CRIM1: variants seen among roughly 807,000 people sequenced by gnomAD.
CRIM1 encodes the protein cysteine-rich motor neuron 1 protein.
CRIM1 carries 32 observed loss-of-function variants against 116.4 expected under a neutral mutation model. The observed-to-expected ratio is 0.27, with a 90% confidence interval of 0.21 to 0.37. The LOEUF (loss-of-function observed/expected upper bound fraction) is 0.37. CRIM1 is among the 10% of genes least tolerant of loss of function. The probability of loss-of-function intolerance (pLI) is 1.00; values close to 1 mark genes in which losing one functional copy is unlikely to be tolerated. For synonymous variants in CRIM1, 590 were observed against 509.2 expected (o/e 1.16, Z -2.13); for missense variants, 1,331 against 1,354.8 (o/e 0.98, Z 0.28).
intron 1 of CRIM1, among the ~76,000 whole-genome samples, chr2:36,389,897 A>T (rs1055829859): frequency 6.6e-6 from 1 of 152,304 alleles, no homozygotes; most frequent in Non-Finnish European, 1.5e-5. Flanking sequence ...GCTCCTTAGC[A>T]CAGGGGGCTA....
intron 1 of CRIM1, among the ~76,000 whole-genome samples, chr2:36,394,452 T>A (rs185141950): frequency 6.8e-6 from 1 of 147,874 alleles, no homozygotes; most frequent in Non-Finnish European, 1.5e-5. Flanking sequence ...AATATCACCT[T>A]CTTTTCTATG....
intron 13 of CRIM1, among the ~76,000 whole-genome samples, chr2:36,531,110 A>G (rs1310234918): frequency 6.6e-6 from 1 of 152,204 alleles, no homozygotes; most frequent in African/African-American, 2.4e-5. Context: ...GGCCACCAGG[A>G]TCCCAGAGTA....
At chr2:36,410,064 A>G (rs1673093803) in intron 2 of CRIM1, among the ~76,000 whole-genome samples, 2 of 152,214 alleles carry the variant, frequency 1.3e-5, no homozygotes. Flanking sequence ...TCTCTTGCTA[A>G]GTGTTTTCTG....
At position 36,488,679 on chromosome 2, in the gene CRIM1, T is replaced by C. The variant is rs532308825; in HGVS notation, c.1372+8985T>C. On this transcript the variant is annotated intron_variant, in intron 7 of 16. Transcript: ENST00000280527. ...TTTACACCTCAGTGGAGTTTAACTT[T>C]CGCATCTGAGAGATTAGCTGGATTT... Among the ~76,000 whole-genome samples, 12 of 152,342 alleles carry C rather than the reference T, an allele frequency of 7.9e-5. No individual in the cohort carries two copies. The South Asian group carries it at 2.5e-3, about 32-fold the overall frequency.
chr2:36,548,171 C>T (rs942825336), intron 16 of CRIM1, among the ~76,000 whole-genome samples: 2 of 152,122 alleles, frequency 1.3e-5, no homozygotes, highest in East Asian at 1.9e-4. Context: ...TAGAAGTCAT[C>T]CCTTTGTTTT....
At chr2:36,402,797 G>C (rs376117973) in intron 2 of CRIM1, among the ~76,000 whole-genome samples, 23 of 151,532 alleles carry the variant, frequency 1.5e-4, no homozygotes, top group African/African-American at 5.6e-4. Context: ...AGAAATCAAA[G>C]AGTACTCTTC....
chr2:36,453,666 T>A (rs1347401671), intron 4 of CRIM1, among the ~76,000 whole-genome samples: 2 of 152,218 alleles, frequency 1.3e-5, no homozygotes, highest in East Asian at 3.8e-4. Context: ...TAAAATATAG[T>A]CGCTGATGTC....
At chr2:36,383,536 G>C (rs1670945143) in intron 1 of CRIM1, among the ~76,000 whole-genome samples, 1 of 152,124 alleles carries the variant, frequency 6.6e-6, no homozygotes, top group Non-Finnish European at 1.5e-5. Flanking sequence ...TTATGTCGTA[G>C]AGCAGTCACT....
chr2:36,506,393 A>G (rs1486414631), intron 8 of CRIM1, among the ~76,000 whole-genome samples: 1 of 151,920 alleles, frequency 6.6e-6, no homozygotes, highest in East Asian at 1.9e-4. Context: ...AATGATGTTG[A>G]ACAAAACCAT....
At chr2:36,489,865 AT>A (rs1680099180) in intron 7 of CRIM1, among the ~76,000 whole-genome samples, 2 of 152,176 alleles carry the variant, frequency 1.3e-5, no homozygotes. Context: ...GGATTAGCTG[AT>A]TACTAAGAGA....
At chr2:36,457,570 CA>C (rs1242619413) in intron 4 of CRIM1, among the ~76,000 whole-genome samples, 2 of 151,882 alleles carry the variant, frequency 1.3e-5, no homozygotes, top group Non-Finnish European at 2.9e-5. Context: ...AAGCTTGAGA[CA>C]GGGGAGAAAG....
intron 1 of CRIM1, among the ~76,000 whole-genome samples, chr2:36,382,058 AT>A (rs2148338002): frequency 6.6e-6 from 1 of 152,250 alleles, no homozygotes; most frequent in African/African-American, 2.4e-5. Flanking sequence ...GGGTGATGAT[AT>A]GCCCAGCAGC....
At chr2:36,490,283 C>A (rs1241108039) in intron 7 of CRIM1, among the ~76,000 whole-genome samples, 2 of 152,172 alleles carry the variant, frequency 1.3e-5, no homozygotes, top group Admixed American at 1.3e-4. Flanking sequence ...ATAGTCTTTT[C>A]TTGACAAGCT....
chr2:36,492,757 T>G (rs75725658), intron 7 of CRIM1, among the ~76,000 whole-genome samples: 1 of 152,204 alleles, frequency 6.6e-6, no homozygotes, highest in African/African-American at 2.4e-5. Flanking sequence ...ATTTAGCCAT[T>G]GAACTGCCAT....
chr2:36,358,716 A>AT (rs1451375231), intron 1 of CRIM1, among the ~76,000 whole-genome samples: 1 of 151,864 alleles, frequency 6.6e-6, no homozygotes, highest in East Asian at 1.9e-4. Context: ...AACACTTTTT[A>AT]TTTTACAGGC....
chr2:36,514,103 G>T (rs1193188650), intron 11 of CRIM1, among the ~76,000 whole-genome samples: 2 of 152,204 alleles, frequency 1.3e-5, no homozygotes, highest in Non-Finnish European at 2.9e-5. Context: ...TATTAAGTCT[G>T]AATGTCCTCA....
At chr2:36,539,247 T>C (rs1044220958) in intron 14 of CRIM1, among the ~76,000 whole-genome samples, 5 of 152,066 alleles carry the variant, frequency 3.3e-5, no homozygotes, top group African/African-American at 1.2e-4. Context: ...GAATTGCAGT[T>C]CTCATGGGGA....
At chr2:36,451,823 G>A (rs979591388) in intron 4 of CRIM1, among the ~76,000 whole-genome samples, 1 of 152,140 alleles carries the variant, frequency 6.6e-6, no homozygotes, top group Non-Finnish European at 1.5e-5. Flanking sequence ...AGGGTGGCTT[G>A]GAACTGTCAG....
intron 1 of CRIM1, among the ~76,000 whole-genome samples, chr2:36,387,375 TGATATC>T (rs912148322): frequency 2.6e-5 from 4 of 152,228 alleles, no homozygotes; most frequent in African/African-American, 9.6e-5. Flanking sequence ...AACTGAAAAT[TGATATC>T]CTTTGAAGCT....
Sources: allele counts gnomAD v4.1 joint callset (sites outside exome capture counted in the v4.1 genomes callset), GRCh38; gene constraint gnomAD v4.1.1; transcripts MANE v1.5; gene names NCBI Gene and HGNC (gene_info 2026-07-23, HGNC 2026-07-21).